Variants in KCNMA1 observed in about 807,000 individuals in gnomAD.
KCNMA1 encodes Calcium-activated potassium channel subunit alpha-1.
Under a neutral mutation model 140.0 loss-of-function variants are expected in KCNMA1, and 29 were observed. The observed-to-expected ratio is 0.21, with a 90% CI of 0.15 to 0.28. The LOEUF (loss-of-function observed/expected upper bound fraction) is 0.28. Among genes scored for constraint, KCNMA1 ranks in the 10% least tolerant of loss-of-function variants. The pLI is 1.00. For missense variants in KCNMA1, 880 were observed against 1,602.2 expected (o/e 0.55, Z 7.70); for synonymous variants, 612 against 611.9 (o/e 1.00, Z 0.00).
intron 6 of KCNMA1, 131 bp downstream of exon 6, chr10:77,120,842 T>C (rs2097578173): frequency 1.5e-6 from 1 of 680,002 alleles, no homozygotes; most frequent in Non-Finnish European, 2.6e-6. Flanking sequence ...TCTCCCTCTC[T>C]GTGTTAGATC....
At chr10:77,446,495 C>T (rs2154516453) in intron 1 of KCNMA1, among the ~76,000 whole-genome samples, 1 of 152,304 alleles carries the variant, frequency 6.6e-6, no homozygotes, top group Non-Finnish European at 1.5e-5. Flanking sequence ...ATGAAAGGGC[C>T]CAGGGAGATT....
intron 19 of KCNMA1, among the ~76,000 whole-genome samples, chr10:76,994,042 C>T (rs974932368): frequency 6.6e-6 from 1 of 152,200 alleles, no homozygotes; most frequent in Non-Finnish European, 1.5e-5. Context: ...AGCAACTCAA[C>T]CGACTCCACA....
At chr10:77,083,835 T>C (rs1279493994) in intron 12 of KCNMA1, among the ~76,000 whole-genome samples, 3 of 113,962 alleles carry the variant, frequency 2.6e-5, no homozygotes, top group Admixed American at 2.2e-4. Flanking sequence ...ACTCTGTCTC[T>C]ATGAAAAAAA....
chr10:77,161,498 G>A (rs1267021025), intron 5 of KCNMA1, among the ~76,000 whole-genome samples: 1 of 152,042 alleles, frequency 6.6e-6, no homozygotes, highest in Non-Finnish European at 1.5e-5. Flanking sequence ...TCCTGCCCTG[G>A]CCTCCCAAGC....
chr10:77,044,081 A>G (rs1376548549), intron 14 of KCNMA1, among the ~76,000 whole-genome samples: 3 of 152,202 alleles, frequency 2.0e-5, no homozygotes, highest in Non-Finnish European at 4.4e-5. Context: ...TAATACTGAG[A>G]CCATTTAATC....
At chr10:77,138,817 T>C (rs1240078172) in intron 5 of KCNMA1, among the ~76,000 whole-genome samples, 1 of 152,214 alleles carries the variant, frequency 6.6e-6, no homozygotes, top group Non-Finnish European at 1.5e-5. Context: ...GCTCTGAGTC[T>C]TCCCTTCTGT....
At chr10:77,053,436 G>A (rs2095439680) in intron 14 of KCNMA1, among the ~76,000 whole-genome samples, 3 of 152,164 alleles carry the variant, frequency 2.0e-5, no homozygotes, top group Non-Finnish European at 4.4e-5. Flanking sequence ...CTAGCCTTAG[G>A]GAGTGGAGGG....
At chr10:77,155,049 A>T (rs2154066022) in intron 5 of KCNMA1, among the ~76,000 whole-genome samples, 1 of 152,302 alleles carries the variant, frequency 6.6e-6, no homozygotes, top group East Asian at 1.9e-4. Context: ...TTGCTGAGGC[A>T]GGGAGAAGAA....
At chr10:77,431,681 TAAAAAAAAAAAAAAAAAAAAA>T (rs71028276) in intron 1 of KCNMA1, among the ~76,000 whole-genome samples, 33 of 75,466 alleles carry the variant, frequency 4.4e-4, no homozygotes, top group African/African-American at 1.5e-3. Context: ...TGGTCTGTTG[TAAAAAAAAAAAAAAAAAAAAA>T]AAAAAAAAAA....
At chr10:77,009,641 G>A (rs1310783482) in intron 18 of KCNMA1, among the ~76,000 whole-genome samples, 2 of 152,012 alleles carry the variant, frequency 1.3e-5, no homozygotes, top group East Asian at 1.9e-4. Flanking sequence ...TTCTTACCAC[G>A]TCCCCTGTCT....
At chr10:76,966,523 C>T (rs544976630) in intron 20 of KCNMA1, among the ~76,000 whole-genome samples, 1 of 152,198 alleles carries the variant, frequency 6.6e-6, no homozygotes, top group African/African-American at 2.4e-5. Flanking sequence ...GTTGGTAAGG[C>T]CCCCAAATTA....
At chr10:77,178,433 G>A (rs2098772640) in intron 5 of KCNMA1, among the ~76,000 whole-genome samples, 1 of 152,166 alleles carries the variant, frequency 6.6e-6, no homozygotes, top group Non-Finnish European at 1.5e-5. Flanking sequence ...CAGGCAAGGT[G>A]CAGTGGCTCA....
chr10:77,443,330 T>G (rs573501409), intron 1 of KCNMA1, among the ~76,000 whole-genome samples: 4 of 152,112 alleles, frequency 2.6e-5, no homozygotes, highest in South Asian at 4.2e-4. Flanking sequence ...GCCACCAACC[T>G]CCTTGAGATC....
At chr10:77,213,911 A>T (rs1209792813) in intron 3 of KCNMA1, among the ~76,000 whole-genome samples, 1 of 151,956 alleles carries the variant, frequency 6.6e-6, no homozygotes, top group East Asian at 1.9e-4. Context: ...ACCTCAGAGA[A>T]ATCTCCAAAT....
In KCNMA1 at chr10:76,920,043, TATATATATAC is replaced by T. The variant is rs58890518; in HGVS notation, c.2903-5004_2903-4995del. Among the ~76,000 whole-genome samples the T allele has an allele frequency of 5.1e-3, 613 of 119,984 alleles. 42 individuals carry two copies. Among genetic ancestry groups the T allele is most frequent in the African/African-American group, 0.019 (541 of 28,144 alleles). 78.7% of individuals were successfully genotyped at this position (119,984 alleles called of 152,430 possible). ...GTGTATATATATATATATATATATA[TATATATATAC>T]ACACAATATTCCTTATGTGATCATA... is the stretch of plus-strand genomic sequence containing the variant. On this transcript the variant is annotated intron_variant, in intron 23 of 27. Coordinates refer to ENST00000286628, the MANE Select transcript of KCNMA1 (RefSeq NM_001161352.2).
At chr10:76,943,335 C>T (rs1051219053) in intron 23 of KCNMA1, among the ~76,000 whole-genome samples, 1 of 152,112 alleles carries the variant, frequency 6.6e-6, no homozygotes, top group Non-Finnish European at 1.5e-5. Context: ...GCAGGGAGGA[C>T]GGTGGCATGG....
intron 5 of KCNMA1, among the ~76,000 whole-genome samples, chr10:77,122,568 A>G (rs1245987793): frequency 2.0e-5 from 3 of 152,106 alleles, no homozygotes; most frequent in Non-Finnish European, 4.4e-5. Context: ...AAAAAAAAAG[A>G]TGAAACTTCA....
intron 2 of KCNMA1, among the ~76,000 whole-genome samples, chr10:77,396,558 T>G (rs965814377): frequency 1.3e-5 from 2 of 152,260 alleles, no homozygotes; most frequent in African/African-American, 4.8e-5. Flanking sequence ...TACATCTATT[T>G]AACTCTGTTA....
chr10:77,050,586 T>A (rs1247771), intron 14 of KCNMA1, among the ~76,000 whole-genome samples: 2 of 152,134 alleles, frequency 1.3e-5, no homozygotes, highest in African/African-American at 2.4e-5. Context: ...GTCACCCAAG[T>A]GTCTTGGCAA....
Sources: allele counts gnomAD v4.1 joint callset (sites outside exome capture counted in the v4.1 genomes callset), GRCh38; gene constraint gnomAD v4.1.1; transcripts MANE v1.5; gene names NCBI Gene and HGNC (gene_info 2026-07-23, HGNC 2026-07-21).